Variants in MTAP observed in about 807,000 individuals in gnomAD.
MTAP encodes the protein methylthioadenosine phosphorylase.
Under a neutral mutation model 33.6 loss-of-function variants are expected in MTAP, and 33 were observed. That is an observed-to-expected ratio of 0.98 (90% confidence interval 0.74 to 1.31). MTAP has a LOEUF of 1.31. MTAP is among the 40% of genes most tolerant of loss of function. The pLI, the probability that MTAP is intolerant of heterozygous loss-of-function variation, is 0.00. For synonymous variants in MTAP, 148 were observed against 125.7 expected (o/e 1.18, Z -1.19); for missense variants, 367 against 360.0 (o/e 1.02, Z -0.16).
intron 1 of MTAP, among the ~76,000 whole-genome samples, chr9:21,884,142 C>T (rs926665672): frequency 6.6e-6 from 1 of 152,152 alleles, no homozygotes; most frequent in South Asian, 2.1e-4. Context: ...TGAGAGAATT[C>T]TATTATTAGT....
chr9:21,816,601 G>C, intron 2 of MTAP, 113 bp from the exon 3 acceptor site: 1 of 837,116 alleles, frequency 1.2e-6, no homozygotes, highest in Non-Finnish European at 1.9e-6. Flanking sequence ...TCTTCTCTAA[G>C]TTGTATCCTC....
chr9:21,825,166 C>T (rs1252271297), intron 4 of MTAP, among the ~76,000 whole-genome samples: 2 of 152,178 alleles, frequency 1.3e-5, no homozygotes, highest in African/African-American at 4.8e-5. Flanking sequence ...GTTGGAAATA[C>T]AGAAATCACC....
intron 1 of MTAP, among the ~76,000 whole-genome samples, chr9:21,902,909 C>T (rs1011623336): frequency 6.6e-4 from 101 of 152,304 alleles, no homozygotes; most frequent in Middle Eastern, 3.4e-3. Flanking sequence ...TGCTTGTTTA[C>T]TTTAAAATGA....
rs148325616 is a variant in MTAP at position 21,814,921 on chromosome 9, C to T, written c.34-512C>T. Among the ~76,000 whole-genome samples, 27 of 152,216 alleles carry T rather than the reference C, an allele frequency of 1.8e-4. 1 individual carries two copies. Among genetic ancestry groups the T allele is most frequent in the Non-Finnish European group, 3.2e-4 (22 of 68,006 alleles). Reference sequence around the variant, plus strand: ...TCTCCTAGCTCTGTGATTCTAATGGCGTGGGAAAGATAATCTCTCATTTCT... The same window carrying T: ...TCTCCTAGCTCTGTGATTCTAATGGTGTGGGAAAGATAATCTCTCATTTCT... On this transcript the variant is annotated intron_variant, in intron 1 of 7. Coordinates refer to ENST00000644715, the MANE Select transcript of MTAP (RefSeq NM_002451.4).
chr9:21,811,517 C>T (rs1429754192), intron 1 of MTAP: 1 of 265,026 alleles, frequency 3.8e-6, no homozygotes, highest in African/African-American at 2.2e-5. Flanking sequence ...CAAGACACAA[C>T]AGCAAGCGCA....
At chr9:21,937,730 T>G (rs887147151), downstream of MTAP, 2 of 152,242 alleles carry the variant, frequency 1.3e-5, no homozygotes, top group African/African-American at 4.8e-5. Flanking sequence ...CATTTGATAT[T>G]TTTGCCAGAC....
At chr9:21,824,255 G>A (rs1002885744) in intron 4 of MTAP, among the ~76,000 whole-genome samples, 13 of 152,154 alleles carry the variant, frequency 8.5e-5, no homozygotes, top group African/African-American at 3.1e-4. Context: ...GGTCTTTGAT[G>A]ATGGTGACAT....
intron 1 of MTAP, among the ~76,000 whole-genome samples, chr9:21,903,116 C>T (rs147360470): frequency 6.6e-6 from 1 of 152,220 alleles, no homozygotes; most frequent in African/African-American, 2.4e-5. Flanking sequence ...GGAGGATTTC[C>T]GGCTGCTTTC....
intron 1 of MTAP, chr9:21,929,906 G>C (rs559023965): frequency 5.3e-6 from 2 of 380,798 alleles, no homozygotes; most frequent in African/African-American, 4.1e-5. Context: ...TACTCTCTCT[G>C]TAGATTCTAA....
At chr9:21,833,961 G>T (rs952635868) in intron 4 of MTAP, among the ~76,000 whole-genome samples, 1 of 152,002 alleles carries the variant, frequency 6.6e-6, no homozygotes, top group Non-Finnish European at 1.5e-5. Flanking sequence ...TTTCCTGCCA[G>T]CACACATCAT....
chr9:21,881,814 TG>T, intron 1 of MTAP, among the ~76,000 whole-genome samples: 1 of 152,142 alleles, frequency 6.6e-6, no homozygotes, highest in East Asian at 1.9e-4. Context: ...GAAAACAGTA[TG>T]GGGTTTTCTC....
At chr9:21,873,223 G>GT (rs1273654396) in intron 1 of MTAP, among the ~76,000 whole-genome samples, 2 of 151,958 alleles carry the variant, frequency 1.3e-5, no homozygotes, top group Non-Finnish European at 2.9e-5. Flanking sequence ...TATTTACTTT[G>GT]TTTTTTATCT....
At chr9:21,818,928 A>G (rs1824557278) in intron 4 of MTAP, among the ~76,000 whole-genome samples, 1 of 152,112 alleles carries the variant, frequency 6.6e-6, no homozygotes, top group Non-Finnish European at 1.5e-5. Flanking sequence ...CCCAAACCCC[A>G]GCCCCTGGTA....
At chr9:21,932,288 G>A (rs140429149), downstream of MTAP, 1 of 152,334 alleles carries the variant, frequency 6.6e-6, no homozygotes, top group African/African-American at 2.4e-5. Context: ...TAGTTTAAAT[G>A]ATAATAGTCC....
chr9:21,892,968 G>T (rs1188471438), intron 1 of MTAP: 1 of 152,262 alleles, frequency 6.6e-6, no homozygotes, highest in Middle Eastern at 3.4e-3. Context: ...ATAGTGAAAA[G>T]ATATTTCAAA....
chr9:21,818,317 C>CTTTTTTTTTTTTTTTTTTTTTTTT lies in MTAP; in HGVS notation c.347+119_347+142dup, dbSNP rs35709813. On this transcript the variant is annotated intron_variant, in intron 4 of 7. Coordinates refer to ENST00000644715, the MANE Select transcript of MTAP (RefSeq NM_002451.4). ...GAGGGCAGTGCCACAGACTCGCTTG[C>CTTTTTTTTTTTTTTTTTTTTTTTT]TTTTTTTTTTTTTTTTTTTTTTTTT... 6.8e-5 allele frequency: 14 copies of CTTTTTTTTTTTTTTTTTTTTTTTT among 206,102 alleles called. 6 individuals are homozygous for CTTTTTTTTTTTTTTTTTTTTTTTT. The highest frequency in any genetic ancestry group is 5.9e-5 in the Non-Finnish European group (7 of 119,338). 12.8% of individuals were successfully genotyped at this position (206,102 alleles called of 1,614,324 possible). A position where few individuals can be genotyped will look rare whatever the true frequency, so the allele number is the denominator to read the frequency against.
intron 4 of MTAP, among the ~76,000 whole-genome samples, chr9:21,829,408 T>G (rs1477283832): frequency 9.0e-6 from 1 of 111,606 alleles, no homozygotes; most frequent in Admixed American, 9.1e-5. Flanking sequence ...TCTCTCTCAT[T>G]CTTTTGTTGT....
At chr9:21,906,417 G>A (rs531288242) in intron 1 of MTAP, among the ~76,000 whole-genome samples, 86 of 152,266 alleles carry the variant, frequency 5.6e-4, no homozygotes, top group African/African-American at 2.0e-3. Flanking sequence ...TTGTTAACTG[G>A]ATAATGGATT....
chr9:21,822,356 C>T (rs1824665384), intron 4 of MTAP, among the ~76,000 whole-genome samples: 1 of 152,304 alleles, frequency 6.6e-6, no homozygotes, highest in Middle Eastern at 3.4e-3. Flanking sequence ...TTTCAAAGAA[C>T]ATCTTTATTT....
Sources: allele counts gnomAD v4.1 joint callset (sites outside exome capture counted in the v4.1 genomes callset), GRCh38; gene constraint gnomAD v4.1.1; transcripts MANE v1.5; gene names NCBI Gene and HGNC (gene_info 2026-07-23, HGNC 2026-07-21).